The following EPHA6 variants were observed in gnomAD, a reference collection of about 807,000 sequenced individuals.
EPHA6 encodes the protein ephrin type-A receptor 6.
EPHA6 carries 50 observed loss-of-function variants against 112.0 expected under a neutral mutation model. That is an observed-to-expected ratio of 0.45 (90% CI 0.36 to 0.56). EPHA6 has a LOEUF of 0.56. Ranked by LOEUF, EPHA6 falls within the 20% of genes least tolerant of loss-of-function variation. EPHA6 has a pLI of 0.00. For missense variants in EPHA6, 1,280 were observed against 1,417.4 expected (o/e 0.90, Z 1.56); for synonymous variants, 529 against 490.7 (o/e 1.08, Z -1.03).
intron 5 of EPHA6, among the ~76,000 whole-genome samples, chr3:97,285,126 C>A (rs912708416): frequency 6.6e-5 from 10 of 152,020 alleles, no homozygotes; most frequent in African/African-American, 2.4e-4. Context: ...CACGACTCTT[C>A]ATCTTTTAAA....
chr3:97,574,400 G>A (rs563866742), intron 11 of EPHA6, among the ~76,000 whole-genome samples: 1 of 152,146 alleles, frequency 6.6e-6, no homozygotes, highest in Non-Finnish European at 1.5e-5. Flanking sequence ...TGAAGGATGA[G>A]TAAAATGTGG....
chr3:97,401,753 A>G (rs2087005828), intron 5 of EPHA6, among the ~76,000 whole-genome samples: 2 of 151,524 alleles, frequency 1.3e-5, no homozygotes, highest in South Asian at 4.2e-4. Context: ...TAGATGCATC[A>G]TTAGATTTTT....
intron 1 of EPHA6, among the ~76,000 whole-genome samples, chr3:96,866,245 T>C (rs926051050): frequency 2.6e-5 from 4 of 152,118 alleles, no homozygotes; most frequent in African/African-American, 7.2e-5. Context: ...TATGAATTAC[T>C]TTTGGTCAGG....
chr3:97,198,874 G>GTA (rs1438384622), intron 3 of EPHA6, among the ~76,000 whole-genome samples: 1 of 152,058 alleles, frequency 6.6e-6, no homozygotes, highest in East Asian at 1.9e-4. Context: ...TTTGATATTT[G>GTA]TATATATATA....
intron 2 of EPHA6, among the ~76,000 whole-genome samples, chr3:96,894,308 G>A (rs983347710): frequency 2.6e-5 from 4 of 152,076 alleles, no homozygotes; most frequent in Non-Finnish European, 4.4e-5. Context: ...ACTGTTTGAA[G>A]AATAACATAC....
chr3:97,498,545 A>G (rs185247116), intron 10 of EPHA6, among the ~76,000 whole-genome samples: 85 of 152,240 alleles, frequency 5.6e-4, no homozygotes, highest in African/African-American at 1.9e-3. Flanking sequence ...TTGAAAGTAC[A>G]ATTAGTGTGA....
intron 6 of EPHA6, among the ~76,000 whole-genome samples, chr3:97,445,083 T>A (rs1459074396): frequency 6.6e-6 from 1 of 152,192 alleles, no homozygotes; most frequent in Non-Finnish European, 1.5e-5. Context: ...TATTTTTTTT[T>A]AATTTGGATA....
Position 97,592,724 on chromosome 3 carries a change from C to A in EPHA6, c.2499C>A (p.Pro833=). The A allele has an allele frequency of 6.3e-7, 1 of 1,596,302 alleles. No individual in the cohort carries two copies. The highest frequency in any genetic ancestry group is 1.4e-5 in the African/African-American group (1 of 73,798). ...TGCCAGGGGGAGGATCTTTGCCCCC[C>A]AGGATTCCTGCTGGTAGGTATTTCA... is the stretch of plus-strand genomic sequence containing the variant. The part of the protein sequence containing the change: ...HPVPGGGSLP[P]RIPAGRPVMI... The change falls in exon 12 of 18, where the codon CCC becomes CCA. Residue 833 remains proline, a synonymous_variant. Transcript: ENST00000389672.
chr3:97,295,633 C>CT (rs1477132152), intron 5 of EPHA6, among the ~76,000 whole-genome samples: 7 of 143,892 alleles, frequency 4.9e-5, no homozygotes, highest in African/African-American at 1.8e-4. Context: ...TGTTTCTTGT[C>CT]TTTATGTTGT....
At chr3:97,233,619 T>C (rs1481896099) in intron 4 of EPHA6, among the ~76,000 whole-genome samples, 2 of 152,204 alleles carry the variant, frequency 1.3e-5, no homozygotes, top group African/African-American at 4.8e-5. Flanking sequence ...TTTATTCTTA[T>C]GGTGTATTAT....
chr3:97,000,482 T>A (rs1407909490), intron 3 of EPHA6, among the ~76,000 whole-genome samples: 1 of 151,774 alleles, frequency 6.6e-6, no homozygotes, highest in East Asian at 1.9e-4. Flanking sequence ...TTCATTCACG[T>A]TACAGTCTAA....
At chr3:97,476,818 A>G (rs1293970638) in intron 8 of EPHA6, among the ~76,000 whole-genome samples, 1 of 152,146 alleles carries the variant, frequency 6.6e-6, no homozygotes, top group Non-Finnish European at 1.5e-5. Flanking sequence ...AAGTGGAAAG[A>G]AGGCACTTTA....
At chr3:97,566,813 C>A (rs1279621544) in intron 11 of EPHA6, among the ~76,000 whole-genome samples, 2 of 152,142 alleles carry the variant, frequency 1.3e-5, no homozygotes, top group Admixed American at 1.3e-4. Context: ...CCTTCTGTAT[C>A]TTGAGGCTAA....
At chr3:96,935,678 AT>A (rs1159040515) in intron 2 of EPHA6, among the ~76,000 whole-genome samples, 1 of 148,202 alleles carries the variant, frequency 6.7e-6, no homozygotes, top group Non-Finnish European at 1.5e-5. Flanking sequence ...TGCCTTAAAC[AT>A]TATATATACA....
intron 2 of EPHA6, among the ~76,000 whole-genome samples, chr3:96,892,083 G>C (rs1025701745): frequency 6.6e-6 from 1 of 152,086 alleles, no homozygotes; most frequent in Non-Finnish European, 1.5e-5. Flanking sequence ...AGCTTGGTAG[G>C]CTTTGGTCAG....
intron 3 of EPHA6, among the ~76,000 whole-genome samples, chr3:97,196,017 T>C (rs994862373): frequency 6.6e-6 from 1 of 152,138 alleles, no homozygotes; most frequent in South Asian, 2.1e-4. Context: ...TGTATTGATA[T>C]CTTTCTCTAG....
chr3:97,208,724 G>A (rs912267393), intron 3 of EPHA6, among the ~76,000 whole-genome samples: 3 of 151,816 alleles, frequency 2.0e-5, no homozygotes, highest in South Asian at 2.1e-4. Flanking sequence ...TCCAGCCTGG[G>A]TGACAGAGCA....
At chr3:97,407,732 A>AT (rs1252938351) in intron 6 of EPHA6, among the ~76,000 whole-genome samples, 1 of 151,608 alleles carries the variant, frequency 6.6e-6, no homozygotes, top group African/African-American at 2.4e-5. Flanking sequence ...TATTTTTTTT[A>AT]TTTTTTTATT....
At chr3:97,564,114 A>G (rs1477253858) in intron 11 of EPHA6, among the ~76,000 whole-genome samples, 1 of 152,162 alleles carries the variant, frequency 6.6e-6, no homozygotes, top group African/African-American at 2.4e-5. Context: ...AAAACTAAAA[A>G]TAATTAATAA....
Sources: gnomAD v4.1 joint callset for allele counts (sites outside exome capture counted in the v4.1 genomes callset) on GRCh38, gnomAD v4.1.1 for gene constraint, MANE v1.5 for transcripts, NCBI Gene and HGNC (gene_info 2026-07-23, HGNC 2026-07-21) for gene names.